The following DLC1 variants were observed in gnomAD, a reference collection of about 807,000 sequenced individuals.
DLC1 encodes rho GTPase-activating protein 7.
Under a neutral mutation model 140.3 loss-of-function variants are expected in DLC1, and 54 were observed. The ratio of observed to expected loss-of-function variants is 0.38; its 90% CI spans 0.31 to 0.48. The LOEUF is 0.48. Ranked by LOEUF, DLC1 falls within the 20% of genes least tolerant of loss-of-function variation. The pLI is 0.96. For missense variants in DLC1, 2,536 were observed against 1,907.0 expected (o/e 1.33, Z -6.14); for synonymous variants, 986 against 728.1 (o/e 1.35, Z -5.70).
chr8:13,148,447 G>A (rs1437911203), intron 5 of DLC1, among the ~76,000 whole-genome samples: 4 of 152,132 alleles, frequency 2.6e-5, no homozygotes, highest in Admixed American at 6.5e-5. Context: ...CCACATTCCC[G>A]CAAAAGACAG....
intron 5 of DLC1, among the ~76,000 whole-genome samples, chr8:13,219,934 C>A (rs966893277): frequency 3.9e-5 from 6 of 152,182 alleles, no homozygotes; most frequent in Non-Finnish European, 8.8e-5. Context: ...AGGCTACATA[C>A]TGTCTTAATT....
chr8:13,170,489 GC>G (rs1825385743), intron 5 of DLC1, among the ~76,000 whole-genome samples: 1 of 152,150 alleles, frequency 6.6e-6, no homozygotes, highest in African/African-American at 2.4e-5. Flanking sequence ...CCAGCACTTT[GC>G]GGGGCCAAGG....
intron 2 of DLC1, among the ~76,000 whole-genome samples, chr8:13,459,282 C>T (rs1348687518): frequency 1.3e-5 from 2 of 151,796 alleles, no homozygotes; most frequent in Non-Finnish European, 2.9e-5. Context: ...TGTCTTTTTT[C>T]TCTTTCTCTG....
At chr8:13,214,905 A>G (rs771719277) in intron 5 of DLC1, 31 of 658,746 alleles carry the variant, frequency 4.7e-5, no homozygotes, top group Non-Finnish European at 7.7e-5. Flanking sequence ...ATGACTGGGA[A>G]TAAGATATTG....
chr8:13,598,296 T>C (rs1805748572), intron 1 of DLC1, among the ~76,000 whole-genome samples: 1 of 152,038 alleles, frequency 6.6e-6, no homozygotes, highest in African/African-American at 2.4e-5. Flanking sequence ...AGCCAGAGGC[T>C]TCTCTAGGGT....
intron 2 of DLC1, among the ~76,000 whole-genome samples, chr8:13,453,554 A>T (rs1350404416): frequency 0.074 from 2,464 of 33,184 alleles, 346 homozygotes; most frequent in African/African-American, 0.2. Context: ...ATATATATAT[A>T]TATTTTTTTT....
chr8:13,170,604 C>A (rs1386181084), intron 5 of DLC1, among the ~76,000 whole-genome samples: 1 of 151,912 alleles, frequency 6.6e-6, no homozygotes, highest in Non-Finnish European at 1.5e-5. Flanking sequence ...GTGGCGGGCA[C>A]CTGTAGTCCC....
At chr8:13,495,502 T>A (rs1801459938) in intron 2 of DLC1, among the ~76,000 whole-genome samples, 1 of 152,210 alleles carries the variant, frequency 6.6e-6, no homozygotes, top group Non-Finnish European at 1.5e-5. Context: ...TTTGTTTGGT[T>A]TTCCTTTGAT....
rs1446417736 is a variant in DLC1, at chr8:13,268,909, C to G, written c.1348+36360G>C. Reference sequence around the variant, plus strand: ...TTTTTTTTTGAGATGGAGTCTCACTCTGTGGCCCAGGCTAGAGTGCAGTGG... The same window carrying G: ...TTTTTTTTTGAGATGGAGTCTCACTGTGTGGCCCAGGCTAGAGTGCAGTGG... On this transcript the variant is annotated intron_variant, in intron 5 of 17. Transcript: ENST00000276297. Among the ~76,000 whole-genome samples, 6 of 138,422 alleles carry G rather than the reference C, an allele frequency of 4.3e-5. 1 individual carries two copies. Among genetic ancestry groups the G allele is most frequent in the Admixed American group, 3.1e-4 (4 of 13,062 alleles). 90.8% of individuals were successfully genotyped at this position (138,422 alleles called of 152,430 possible). A position where few individuals can be genotyped will look rare whatever the true frequency, so the allele number is the denominator to read the frequency against.
intron 5 of DLC1, among the ~76,000 whole-genome samples, chr8:13,295,511 G>C (rs1000564595): frequency 1.3e-5 from 2 of 152,192 alleles, no homozygotes; most frequent in African/African-American, 2.4e-5. Context: ...TTGGGCACTG[G>C]TGAATTTGTT....
chr8:13,550,391 C>A (rs1441867922), intron 1 of DLC1, among the ~76,000 whole-genome samples: 1 of 152,094 alleles, frequency 6.6e-6, no homozygotes, highest in East Asian at 1.9e-4. Context: ...GTCAATTGTA[C>A]TTCTCTTCTT....
In DLC1 at chr8:13,277,192, G is replaced by GT. The variant is rs1393008611; in HGVS notation, c.1348+28076dup. Reference sequence around the variant, plus strand: ...GCGGGTGTGGTGGCATGCACCTGTGGTCCCAGCTGCTTGGGAGGCTGAGAG... The same window carrying GT: ...GCGGGTGTGGTGGCATGCACCTGTGGTTCCCAGCTGCTTGGGAGGCTGAGAG... On this transcript the variant is annotated intron_variant, in intron 5 of 17. Transcript: ENST00000276297. 2.6e-5 allele frequency among the ~76,000 whole-genome samples: 4 copies of GT among 152,132 alleles called. No individual in the cohort carries two copies. The South Asian group carries it at 6.2e-4, about 24-fold the overall frequency.
At chr8:13,452,576 A>G (rs1448355362) in intron 2 of DLC1, among the ~76,000 whole-genome samples, 1 of 152,208 alleles carries the variant, frequency 6.6e-6, no homozygotes, top group African/African-American at 2.4e-5. Context: ...TGGCTAATGG[A>G]AAGTATTGCT....
At chr8:13,324,572 C>CAA (rs5889431) in intron 4 of DLC1, among the ~76,000 whole-genome samples, 1,599 of 110,244 alleles carry the variant, frequency 0.015, 79 homozygotes, top group South Asian at 0.037. Context: ...GACTCCGTCT[C>CAA]AAAAAAAAAA....
intron 5 of DLC1, among the ~76,000 whole-genome samples, chr8:13,135,966 G>C (rs778740977): frequency 1.3e-5 from 2 of 152,120 alleles, no homozygotes; most frequent in Non-Finnish European, 2.9e-5. Context: ...GCATTGGTTT[G>C]CGTTTGACCT....
chr8:13,567,087 A>T (rs1804464075), intron 1 of DLC1: 4 of 1,551,764 alleles, frequency 2.6e-6, no homozygotes, highest in Non-Finnish European at 3.5e-6. Context: ...CTGATGAGGT[A>T]CAGACTTCCA....
In DLC1 at chr8:13,090,356, A is replaced by G; in HGVS notation, c.3970T>C (p.Phe1324Leu). 6.2e-7 allele frequency: 1 copy of G among 1,614,152 alleles called. No individual in the cohort carries two copies. The highest frequency in any genetic ancestry group is 1.6e-4 in the Middle Eastern group (1 of 6,062). Reference protein sequence around the residue: ...GNDDSADYQHFLQDCVDGLFK... With the variant: ...GNDDSADYQHLLQDCVDGLFK... Reference sequence around the variant, plus strand: ...AGGCCATCCACACAGTCCTGGAGGAAGTGTTGGTAGTCAGCTGAGTCATCA... The same window carrying G: ...AGGCCATCCACACAGTCCTGGAGGAGGTGTTGGTAGTCAGCTGAGTCATCA... The change falls in exon 15 of 18, where the codon TTC becomes CTC. Residue 1324 changes from phenylalanine to leucine, a missense_variant. Physicochemically the swap from Phe to Leu is conservative, Grantham distance 22. Transcript: ENST00000276297.
rs965780624 is a variant in DLC1, at chr8:13,110,782, G to C, written c.1462C>G (p.His488Asp). The change falls in exon 7 of 18, where the codon CAT becomes GAT. Residue 488 changes from histidine (H) to aspartate (D), a missense_variant. Transcript: ENST00000276297. ...ATGGCATCTCTGTCCAAAAAATCAT[G>C]CTCTCTCTTGACCAAGGAAATATCG... is the stretch of plus-strand genomic sequence containing the variant. Reference protein sequence around the residue: ...PIDISLVKREHDFLDRDAIEA... With the variant: ...PIDISLVKREDDFLDRDAIEA... 2.5e-6 allele frequency: 4 copies of C among 1,614,030 alleles called. No individual in the cohort carries two copies. The highest frequency in any genetic ancestry group is 3.4e-6 in the Non-Finnish European group (4 of 1,180,016).
intron 5 of DLC1, among the ~76,000 whole-genome samples, chr8:13,140,565 T>G (rs1289718063): frequency 3.9e-5 from 6 of 152,042 alleles, no homozygotes; most frequent in Non-Finnish European, 8.8e-5. Context: ...CATTTTTGTC[T>G]TTGCTTGTTG....
Sources: allele counts gnomAD v4.1 joint callset (sites outside exome capture counted in the v4.1 genomes callset), GRCh38; gene constraint gnomAD v4.1.1; transcripts MANE v1.5; gene names NCBI Gene and HGNC (gene_info 2026-07-23, HGNC 2026-07-21).